Variants in CRISP2 observed in about 807,000 individuals in gnomAD.
The protein encoded by CRISP2 is cysteine-rich secretory protein 2.
Under a neutral mutation model 31.7 loss-of-function variants are expected in CRISP2, and 29 were observed. The observed-to-expected ratio is 0.92, with a 90% CI of 0.68 to 1.25. The LOEUF is 1.25. Ranked by LOEUF, CRISP2 falls within the 50% of genes most tolerant of loss-of-function variation. The pLI is 0.00. For synonymous variants in CRISP2, 111 were observed against 101.4 expected, an observed-to-expected ratio of 1.09 and a Z score of -0.57; for missense variants, 318 against 286.5, an observed-to-expected ratio of 1.11 and a Z score of -0.79.
chr6:49,687,046 T>G, the CRISP2 span, among the ~76,000 whole-genome samples: 1 of 150,376 alleles, frequency 6.6e-6, no homozygotes. Flanking sequence ...ACACCAGGGA[T>G]GGTTGTGGGA....
the CRISP2 span, among the ~76,000 whole-genome samples, chr6:49,683,612 C>T: frequency 2.2e-4 from 29 of 131,950 alleles, no homozygotes; most frequent in African/African-American, 8.1e-4. Context: ...TGCAGTGAGC[C>T]GAGATCATGC....
At chr6:49,696,581 TTAAAG>T (rs68020155) in intron 8 of CRISP2, among the ~76,000 whole-genome samples, 28,047 of 136,756 alleles carry the variant, frequency 0.21, 3,417 homozygotes, top group Middle Eastern at 0.28. Context: ...ATCCCAGAAC[TTAAAG>T]TAAAAAAAAA....
intron 9 of CRISP2, among the ~76,000 whole-genome samples, chr6:49,693,115 T>C (rs972235120): frequency 2.5e-4 from 38 of 152,166 alleles, no homozygotes; most frequent in African/African-American, 8.4e-4. Context: ...CAGGGACATA[T>C]GAGGTGTCTT....
intron 3 of CRISP2, among the ~76,000 whole-genome samples, chr6:49,709,907 A>G (rs1325917889): frequency 2.0e-5 from 3 of 152,224 alleles, no homozygotes; most frequent in African/African-American, 7.2e-5. Context: ...TCCTAAAAAG[A>G]CACTCAGCAT....
At chr6:49,683,681 AAAAAAAAAAAAAAATATATATATAT>A in the CRISP2 span, among the ~76,000 whole-genome samples, 8 of 52,258 alleles carry the variant, frequency 1.5e-4, no homozygotes, top group East Asian at 2.1e-3. Context: ...AAAAAAAAAA[AAAAAAAAAAAAAAATATATATATAT>A]ATATATATAT....
chr6:49,700,791 GA>G lies in CRISP2; in HGVS notation c.67-8del. 1 of 1,530,432 alleles carries G rather than the reference GA, an allele frequency of 6.5e-7. No individual in the cohort carries two copies. The allele number at this position is 1,530,432 out of a possible 1,614,324, so 94.8% of individuals were successfully genotyped here. A position where few individuals can be genotyped will look rare whatever the true frequency, so the allele number is the denominator to read the frequency against. ...AAGCAGTAAAAGCGGGATCCTAAAA[GA>G]AAATAAAATTGGAATTATTATTTAA... On this transcript the variant is annotated splice_polypyrimidine_tract_variant and splice_region_variant and intron_variant, in intron 4 of 9. Coordinates refer to ENST00000339139, the MANE Select transcript of CRISP2 (RefSeq NM_003296.4).
chr6:49,705,797 G>T (rs969623937), intron 4 of CRISP2, among the ~76,000 whole-genome samples: 18 of 152,118 alleles, frequency 1.2e-4, no homozygotes, highest in Admixed American at 6.6e-5. Context: ...TTTCTCCCAT[G>T]ATCTGGATTT....
downstream of CRISP2, among the ~76,000 whole-genome samples, chr6:49,691,746 G>A (rs1302409997): frequency 6.6e-6 from 1 of 152,026 alleles, no homozygotes; most frequent in African/African-American, 2.4e-5. Flanking sequence ...ACAGAATTAT[G>A]TGGTGAAACC....
the CRISP2 span, among the ~76,000 whole-genome samples, chr6:49,681,981 T>A: frequency 1.3e-5 from 2 of 152,310 alleles, no homozygotes; most frequent in Non-Finnish European, 2.9e-5. Flanking sequence ...ATTTACTATG[T>A]CCTCACAGGT....
At chr6:49,697,548 GTGA>G (rs1764976147) in intron 8 of CRISP2, 1 of 429,870 alleles carries the variant, frequency 2.3e-6, no homozygotes, top group Non-Finnish European at 4.2e-6. Flanking sequence ...TTAGCAAGAT[GTGA>G]TGATACCAAT....
At chr6:49,698,092 C>T (rs1158966840) in intron 7 of CRISP2, 135 bp from the exon 8 acceptor site, 1 of 746,954 alleles carries the variant, frequency 1.3e-6, no homozygotes, top group Non-Finnish European at 2.1e-6. Context: ...AATTATTGAA[C>T]CAAAGTCATA....
At chr6:49,707,463 C>CA (rs1458920343) in intron 4 of CRISP2, among the ~76,000 whole-genome samples, 1 of 151,924 alleles carries the variant, frequency 6.6e-6, no homozygotes, top group Non-Finnish European at 1.5e-5. Flanking sequence ...TTAGTGGTGC[C>CA]AAAGACAAAA....
the CRISP2 span, among the ~76,000 whole-genome samples, chr6:49,682,436 C>T: frequency 2.6e-5 from 4 of 151,728 alleles, no homozygotes; most frequent in Middle Eastern, 3.4e-3. Context: ...TTTTCTTTCT[C>T]TCTTTCCCTT....
At chr6:49,690,871 C>A (rs916683864), downstream of CRISP2, among the ~76,000 whole-genome samples, 10 of 151,524 alleles carry the variant, frequency 6.6e-5, no homozygotes, top group African/African-American at 2.4e-4. Context: ...TACACTAAAA[C>A]AACTGTTCAG....
At chr6:49,712,801 A>G (rs1251222029) in intron 1 of CRISP2, among the ~76,000 whole-genome samples, 197 bp from the exon 2 acceptor site, 2 of 152,130 alleles carry the variant, frequency 1.3e-5, no homozygotes, top group African/African-American at 4.8e-5. Flanking sequence ...ACGCCCTGAT[A>G]TTTCCTTCAA....
chr6:49,691,929 C>A (rs1431846105), downstream of CRISP2, among the ~76,000 whole-genome samples: 1 of 152,060 alleles, frequency 6.6e-6, no homozygotes, highest in East Asian at 1.9e-4. Flanking sequence ...AACCTTTCCA[C>A]TTTTAAAAAA....
At chr6:49,696,192 G>C (rs530663379) in intron 8 of CRISP2, among the ~76,000 whole-genome samples, 1 of 152,150 alleles carries the variant, frequency 6.6e-6, no homozygotes, top group African/African-American at 2.4e-5. Flanking sequence ...TATATTCAGT[G>C]TGGCAACACT....
chr6:49,705,240 G>A (rs981601200), intron 4 of CRISP2, among the ~76,000 whole-genome samples: 2 of 152,026 alleles, frequency 1.3e-5, no homozygotes, highest in Non-Finnish European at 1.5e-5. Flanking sequence ...ATGTTCCAAG[G>A]GGGCTATGGC....
In CRISP2 at chr6:49,711,313, CTACTT is replaced by C. The variant is rs1767969976; in HGVS notation, c.-43_-39del. The stretch of plus-strand genomic sequence containing the variant: ...TGGTTTTCTGAGCAGGATGAAATAT[CTACTT>C]TATCTTTAGAAAGAAAGAAGGTGGA... On this transcript the variant is annotated 5_prime_UTR_variant, in exon 3 of 10. Coordinates refer to ENST00000339139, the MANE Select transcript of CRISP2 (RefSeq NM_003296.4). 6.6e-6 allele frequency: 1 copy of C among 152,154 alleles called. No individual in the cohort carries two copies. Among genetic ancestry groups the C allele is most frequent in the South Asian group, 2.1e-4 (1 of 4,834 alleles). The allele number at this position is 152,154 out of a possible 1,614,324, so 9.4% of individuals were successfully genotyped here. A position where few individuals can be genotyped will look rare whatever the true frequency, so the allele number is the denominator to read the frequency against.
Sources: allele counts gnomAD v4.1 joint callset (sites outside exome capture counted in the v4.1 genomes callset), GRCh38; gene constraint gnomAD v4.1.1; transcripts MANE v1.5; gene names NCBI Gene and HGNC (gene_info 2026-07-23, HGNC 2026-07-21).